LINGO2: variants seen among roughly 807,000 people sequenced by gnomAD.
The protein encoded by LINGO2 is leucine rich repeat and Ig domain containing 2, also known as leucine-rich repeat and immunoglobulin-like domain-containing nogo receptor-interacting protein 2.
A neutral mutation model predicts 30.6 loss-of-function variants in LINGO2; 14 were observed. The observed-to-expected ratio is 0.46, with a 90% confidence interval of 0.30 to 0.72. The LOEUF is 0.72. Ranked by LOEUF, LINGO2 falls within the 30% of genes least tolerant of loss-of-function variation. The pLI is 0.07. For missense variants in LINGO2, 729 were observed against 751.7 expected (o/e 0.97, Z 0.35); for synonymous variants, 317 against 288.5 (o/e 1.10, Z -1.00).
At chr9:28,872,271 T>A in the LINGO2 span, among the ~76,000 whole-genome samples, 1 of 152,058 alleles carries the variant, frequency 6.6e-6, no homozygotes, top group Non-Finnish European at 1.5e-5. Context: ...GTCATTTAAG[T>A]CACCTCCTAT....
At chr9:28,815,121 A>C in the LINGO2 span, among the ~76,000 whole-genome samples, 1 of 152,366 alleles carries the variant, frequency 6.6e-6, no homozygotes, top group Admixed American at 6.5e-5. Flanking sequence ...TCCCTAGGGA[A>C]AGCCCTTTCT....
At chr9:27,945,095 C>G (rs1823313112), downstream of LINGO2, among the ~76,000 whole-genome samples, 1 of 152,002 alleles carries the variant, frequency 6.6e-6, no homozygotes, top group Admixed American at 6.6e-5. Context: ...AAGACATATG[C>G]AGTGTTGAAT....
At chr9:28,604,765 C>A (rs934032242) in intron 1 of LINGO2, among the ~76,000 whole-genome samples, 2 of 151,714 alleles carry the variant, frequency 1.3e-5, no homozygotes, top group Admixed American at 6.6e-5. Flanking sequence ...TTATATAACA[C>A]ACATGTCATA....
the LINGO2 span, among the ~76,000 whole-genome samples, chr9:28,799,708 T>C: frequency 0.75 from 114,731 of 152,016 alleles, 43,344 homozygotes; most frequent in Middle Eastern, 0.84. Context: ...ATTCTTACTA[T>C]GTCACAGAGT....
the LINGO2 span, among the ~76,000 whole-genome samples, chr9:29,053,467 C>A: frequency 0.041 from 6,239 of 152,010 alleles, 199 homozygotes; most frequent in Admixed American, 0.082. Flanking sequence ...TGCTAAATGA[C>A]GAGTTAATGG....
chr9:28,794,476 A>G, the LINGO2 span, among the ~76,000 whole-genome samples: 1 of 152,154 alleles, frequency 6.6e-6, no homozygotes, highest in Non-Finnish European at 1.5e-5. Flanking sequence ...TCCTGAGTTG[A>G]AGACACACAT....
intron 5 of LINGO2, among the ~76,000 whole-genome samples, chr9:27,998,891 T>C (rs973590493): frequency 1.3e-5 from 2 of 152,114 alleles, no homozygotes; most frequent in African/African-American, 4.8e-5. Context: ...TATTATGAGG[T>C]GGGTTGTTGT....
intron 4 of LINGO2, among the ~76,000 whole-genome samples, chr9:28,171,939 G>T (rs371353482): frequency 7.3e-6 from 1 of 137,184 alleles, no homozygotes; most frequent in African/African-American, 2.7e-5. Context: ...GGAGAATGGC[G>T]TTCAGGAGGC....
chr9:28,903,699 A>C, the LINGO2 span, among the ~76,000 whole-genome samples: 164 of 152,206 alleles, frequency 1.1e-3, 2 homozygotes, highest in East Asian at 0.02. Context: ...ACTGGTCTCA[A>C]ACTGTTAGGC....
the LINGO2 span, among the ~76,000 whole-genome samples, chr9:29,141,341 A>T: frequency 2.0e-5 from 3 of 151,990 alleles, no homozygotes; most frequent in East Asian, 3.8e-4. Flanking sequence ...AATTGTTATC[A>T]GCTTAAAAGA....
chr9:28,718,160 T>C, the LINGO2 span, among the ~76,000 whole-genome samples: 1 of 151,698 alleles, frequency 6.6e-6, no homozygotes, highest in Non-Finnish European at 1.5e-5. Context: ...AAGATGCTTA[T>C]ATGGCTTAAG....
intron 5 of LINGO2, among the ~76,000 whole-genome samples, chr9:27,978,027 G>C (rs1344940759): frequency 6.6e-6 from 1 of 151,918 alleles, no homozygotes; most frequent in African/African-American, 2.4e-5. Flanking sequence ...GCTCTTAGCT[G>C]CCTCTTGCTG....
the LINGO2 span, chr9:27,938,991 A>C: frequency 6.6e-6 from 1 of 152,186 alleles, no homozygotes; most frequent in South Asian, 2.1e-4. Flanking sequence ...GAGGGCATGT[A>C]TTTAAGCTAA....
intron 4 of LINGO2, among the ~76,000 whole-genome samples, chr9:28,137,198 GACAC>G (rs3064725): frequency 2.6e-4 from 39 of 148,086 alleles, no homozygotes; most frequent in South Asian, 8.7e-4. Flanking sequence ...GAAAATCCCT[GACAC>G]ACACACACAC....
the LINGO2 span, among the ~76,000 whole-genome samples, chr9:28,891,726 T>C: frequency 1.3e-5 from 2 of 151,938 alleles, no homozygotes; most frequent in African/African-American, 2.4e-5. Flanking sequence ...ACCTTTCTGC[T>C]ACTTATTATT....
At chr9:28,912,437 A>T in the LINGO2 span, among the ~76,000 whole-genome samples, 2 of 151,382 alleles carry the variant, frequency 1.3e-5, no homozygotes, top group Non-Finnish European at 2.9e-5. Context: ...TCTTTTTTAT[A>T]CTCTGGCAGG....
chr9:28,819,009 T>G, the LINGO2 span, among the ~76,000 whole-genome samples: 1 of 152,006 alleles, frequency 6.6e-6, no homozygotes, highest in African/African-American at 2.4e-5. Context: ...AGTTTTGTTG[T>G]TTTTTTTCTA....
intron 1 of LINGO2, among the ~76,000 whole-genome samples, chr9:28,639,195 T>A (rs1444403039): frequency 1.3e-5 from 2 of 152,174 alleles, no homozygotes; most frequent in Admixed American, 1.3e-4. Context: ...CAGTTTGTTA[T>A]AATTTCTGTT....
chr9:28,535,995 A>G (rs188361228), intron 1 of LINGO2, among the ~76,000 whole-genome samples: 109 of 152,320 alleles, frequency 7.2e-4, no homozygotes, highest in Non-Finnish European at 1.1e-3. Flanking sequence ...TTGGATAGAC[A>G]CTTGATGAAG....
Sources: allele counts gnomAD v4.1 joint callset (sites outside exome capture counted in the v4.1 genomes callset), GRCh38; gene constraint gnomAD v4.1.1; transcripts MANE v1.5; gene names NCBI Gene and HGNC (gene_info 2026-07-23, HGNC 2026-07-21).